Variants in POM121C observed in about 807,000 individuals in gnomAD.
The protein encoded by POM121C is nuclear envelope pore membrane protein POM 121C.
In POM121C, 20 loss-of-function variants were observed where a neutral mutation model predicts 66.4. That is an observed-to-expected ratio of 0.30 (90% CI 0.21 to 0.44). POM121C has a LOEUF of 0.44. Ranked by LOEUF, POM121C falls within the 20% of genes least tolerant of loss-of-function variation. POM121C has a pLI of 1.00. For synonymous variants in POM121C, 286 were observed against 528.0 expected, an observed-to-expected ratio of 0.54 and a Z score of 6.28; for missense variants, 580 against 1,225.7, an observed-to-expected ratio of 0.47 and a Z score of 7.87.
At position 75,440,343 on chromosome 7, in the gene POM121C, G is replaced by A. The variant is rs587745140; in HGVS notation, c.227+611C>T. 4.6e-3 allele frequency among the ~76,000 whole-genome samples: 688 copies of A among 150,666 alleles called. 3 individuals carry two copies. Among genetic ancestry groups the A allele is most frequent in the Non-Finnish European group, 6.3e-3 (423 of 67,504 alleles). ...AGCACTTTGGGAGGCCAAGGTGGGC[G>A]GATCACGAGGTCAGGAGTTTGAGAC... On this transcript the variant is annotated intron_variant, in intron 5 of 14. Transcript: ENST00000615331.
chr7:75,434,733 C>A (rs1554472877), intron 7 of POM121C, among the ~76,000 whole-genome samples: 25 of 151,988 alleles, frequency 1.6e-4, no homozygotes. Flanking sequence ...CAGGCGTGCA[C>A]CACCATGCCC....
rs1482740585 is a variant in POM121C, at chr7:75,422,094, G to A, written c.2158C>T (p.Pro720Ser). 1 of 1,605,684 alleles carries A rather than the reference G, an allele frequency of 6.2e-7. No individual in the cohort carries two copies. ...CTGCCAAAGCTGGGGGTAAGGGCTGGCTTGGCGGCCCCCGGTGGCTGCCCC... is the reference window on the plus strand; with the variant it reads ...CTGCCAAAGCTGGGGGTAAGGGCTGACTTGGCGGCCCCCGGTGGCTGCCCC... ...AEGQPPGAAK[P>S]ALTPSFGSSF... is the part of the protein sequence containing the mutation. The change falls in exon 13 of 15, where the codon CCA becomes TCA. Residue 720 changes from proline to serine, a missense_variant. Physicochemically the swap from Pro to Ser is moderately conservative, Grantham distance 74. Coordinates refer to ENST00000615331, the MANE Select transcript of POM121C (RefSeq NM_001099415.3).
chr7:75,468,648 C>T (rs1316041565), intron 3 of POM121C, among the ~76,000 whole-genome samples: 1 of 152,056 alleles, frequency 6.6e-6, no homozygotes, highest in Non-Finnish European at 1.5e-5. Flanking sequence ...TCATCTCAAT[C>T]TCATCCCTAA....
intron 3 of POM121C, among the ~76,000 whole-genome samples, chr7:75,452,853 C>T (rs1226259506): frequency 6.6e-6 from 1 of 152,182 alleles, no homozygotes; most frequent in Non-Finnish European, 1.5e-5. Flanking sequence ...GGGAATAATA[C>T]AGGTACCACC....
At chr7:75,427,650 G>C (rs1260959675) in intron 7 of POM121C, among the ~76,000 whole-genome samples, 4 of 151,824 alleles carry the variant, frequency 2.6e-5, no homozygotes, top group Admixed American at 2.6e-4. Flanking sequence ...ACTGCAAATA[G>C]TCTCGTAAGT....
intron 7 of POM121C, among the ~76,000 whole-genome samples, chr7:75,431,145 A>C (rs1167583235): frequency 6.6e-6 from 1 of 151,996 alleles, no homozygotes; most frequent in Admixed American, 6.6e-5. Flanking sequence ...GAGGCTATAC[A>C]AATAGCCAAT....
At position 75,482,183 on chromosome 7, in the gene POM121C, C is replaced by T. The variant is rs868967921; in HGVS notation, c.-458+3681G>A. On this transcript the variant is annotated intron_variant, in intron 1 of 14. Coordinates refer to ENST00000615331, the MANE Select transcript of POM121C (RefSeq NM_001099415.3). Reference sequence around the variant, plus strand: ...CCCAGTTTCTTCAAAACAATGAGCACGCAGGAGACATACTATGGGAACTAT... The same window carrying T: ...CCCAGTTTCTTCAAAACAATGAGCATGCAGGAGACATACTATGGGAACTAT... Among the ~76,000 whole-genome samples the T allele has an allele frequency of 2.8e-4, 42 of 152,134 alleles. 2 individuals are homozygous for T. In the Middle Eastern group the frequency reaches 0.017, roughly 62 times the overall value.
Position 75,418,437 on chromosome 7 carries a change from C to T in POM121C, c.*359G>A. On this transcript the variant is annotated 3_prime_UTR_variant, in exon 15 of 15. Coordinates refer to ENST00000615331, the MANE Select transcript of POM121C (RefSeq NM_001099415.3). Reference sequence around the variant, plus strand: ...ATCCAGGCGGGCTGGACCCTGCCCCCTCCAGCGACGACGGCTCTCGGGGAA... The same window carrying T: ...ATCCAGGCGGGCTGGACCCTGCCCCTTCCAGCGACGACGGCTCTCGGGGAA... 1 of 1,040,494 alleles carries T rather than the reference C, an allele frequency of 9.6e-7. No homozygotes were observed. Among genetic ancestry groups the T allele is most frequent in the South Asian group, 3.9e-5 (1 of 25,644 alleles). 64.5% of individuals were successfully genotyped at this position (1,040,494 alleles called of 1,614,324 possible).
chr7:75,478,142 T>C (rs1294521508), intron 1 of POM121C, among the ~76,000 whole-genome samples: 2 of 152,072 alleles, frequency 1.3e-5, no homozygotes, highest in African/African-American at 4.8e-5. Flanking sequence ...AATTTTTATA[T>C]TTTTAGTAGA....
intron 1 of POM121C, among the ~76,000 whole-genome samples, chr7:75,482,623 G>A (rs587760519): frequency 6.6e-6 from 1 of 152,174 alleles, no homozygotes; most frequent in South Asian, 2.1e-4. Flanking sequence ...CCGGGAGATT[G>A]AGGTTGCAGT....
Position 75,485,925 on chromosome 7 carries a change from G to C in POM121C, c.-519C>G, listed in dbSNP as rs1554480845. The C allele has an allele frequency of 2.0e-6, 1 of 496,922 alleles. No homozygotes were observed. Among genetic ancestry groups the C allele is most frequent in the East Asian group, 6.0e-5 (1 of 16,722 alleles). The allele number at this position is 496,922 out of a possible 1,614,324, so 30.8% of individuals were successfully genotyped here. ...CGAGAGGCCGGGGCGGGCTGCTGTC[G>C]CTGGCGCGCGCGTCTGCTCGCGAGG... On this transcript the variant is annotated 5_prime_UTR_variant, in exon 1 of 15. Transcript: ENST00000615331.
At chr7:75,477,609 G>A (rs1792140197) in intron 1 of POM121C, among the ~76,000 whole-genome samples, 1 of 151,924 alleles carries the variant, frequency 6.6e-6, no homozygotes, top group Admixed American at 6.6e-5. Context: ...AAATAGCTCA[G>A]GGAAAAAAAA....
At position 75,421,577 on chromosome 7, in the gene POM121C, G is replaced by A. The variant is rs1789709830; in HGVS notation, c.2675C>T (p.Thr892Ile). The change falls in exon 13 of 15, where the codon ACC (threonine) becomes ATC (isoleucine). Residue 892 changes from threonine to isoleucine, a missense_variant. Coordinates refer to ENST00000615331, the MANE Select transcript of POM121C (RefSeq NM_001099415.3). The part of the protein sequence containing the change: ...TGGLGQNALG[T>I]TGQSTPFAFN... ...GGCAAACGGTGTGCTCTGGCCGGTG[G>A]TGCCCAGGGCGTTCTGACCTAAGCC... is the stretch of plus-strand genomic sequence containing the variant. 1 of 1,613,046 alleles carries A rather than the reference G, an allele frequency of 6.2e-7. No homozygotes were observed. Among genetic ancestry groups the A allele is most frequent in the Non-Finnish European group, 8.5e-7 (1 of 1,179,832 alleles).
chr7:75,477,086 G>A (rs1292161795), intron 1 of POM121C, among the ~76,000 whole-genome samples: 1 of 135,856 alleles, frequency 7.4e-6, no homozygotes, highest in Non-Finnish European at 1.6e-5. Context: ...TTACACACAA[G>A]CACATATATA....
intron 3 of POM121C, among the ~76,000 whole-genome samples, chr7:75,469,281 A>T (rs1251475289): frequency 6.6e-6 from 1 of 151,890 alleles, no homozygotes; most frequent in Non-Finnish European, 1.5e-5. Context: ...TTATTTTTTT[A>T]GAGACAGGGT....
intron 6 of POM121C, among the ~76,000 whole-genome samples, chr7:75,438,726 G>A (rs1423835607): frequency 2.0e-5 from 3 of 152,132 alleles, no homozygotes; most frequent in Admixed American, 6.6e-5. Flanking sequence ...ACTCAGATGA[G>A]GTATCTAAGT....
chr7:75,435,061 A>G (rs779522945), intron 7 of POM121C, among the ~76,000 whole-genome samples: 22 of 152,210 alleles, frequency 1.4e-4, no homozygotes, highest in Non-Finnish European at 2.5e-4. Flanking sequence ...CTTGACCGGA[A>G]TCTGACTTCT....
At chr7:75,463,466 T>C (rs1554477330) in intron 3 of POM121C, among the ~76,000 whole-genome samples, 1 of 151,346 alleles carries the variant, frequency 6.6e-6, no homozygotes, top group Admixed American at 6.6e-5. Context: ...TTTTTTTTTT[T>C]TTTACCTTTG....
At chr7:75,437,172 A>G (rs587678475) in intron 7 of POM121C, among the ~76,000 whole-genome samples, 2 of 152,312 alleles carry the variant, frequency 1.3e-5, no homozygotes, top group Admixed American at 6.5e-5. Context: ...ACTGCTTTAC[A>G]TTCCGGGCTT....
Sources: allele counts gnomAD v4.1 joint callset (sites outside exome capture counted in the v4.1 genomes callset), GRCh38; gene constraint gnomAD v4.1.1; transcripts MANE v1.5; gene names NCBI Gene and HGNC (gene_info 2026-07-23, HGNC 2026-07-21).